Variants in SH3GL3 observed in about 807,000 individuals in gnomAD.
SH3GL3 encodes the protein SH3 domain containing GRB2 like 3, endophilin A3, also known as endophilin-A3.
In SH3GL3, 33 loss-of-function variants were observed where a neutral mutation model predicts 47.7. The observed-to-expected ratio is 0.69, with a 90% CI of 0.52 to 0.92. The LOEUF is 0.92. Among genes scored for constraint, SH3GL3 ranks in the 40% least tolerant of loss-of-function variants. The pLI is 0.00. For synonymous variants in SH3GL3, 155 were observed against 148.8 expected (o/e 1.04, Z -0.30); for missense variants, 363 against 417.8 (o/e 0.87, Z 1.14).
At chr15:83,609,582 T>TGG (rs1222733649) in intron 8 of SH3GL3, 3 of 259,334 alleles carry the variant, frequency 1.2e-5, no homozygotes, top group Non-Finnish European at 2.4e-5. Flanking sequence ...ACTATGGGGG[T>TGG]GGGGTCATAG....
chr15:83,571,098 G>T (rs1308223867), intron 4 of SH3GL3, among the ~76,000 whole-genome samples: 3 of 152,170 alleles, frequency 2.0e-5, no homozygotes, highest in South Asian at 2.1e-4. Context: ...GTTTTCTTTT[G>T]GGGGGCCACA....
At chr15:83,620,663 G>A (rs1446616887), downstream of SH3GL3, among the ~76,000 whole-genome samples, 1 of 152,188 alleles carries the variant, frequency 6.6e-6, no homozygotes, top group Non-Finnish European at 1.5e-5. Context: ...TCCATTTATA[G>A]AGCACAAGCA....
At chr15:83,597,393 G>T (rs2257011) in intron 8 of SH3GL3, among the ~76,000 whole-genome samples, 93,916 of 151,942 alleles carry the variant, frequency 0.62, 30,987 homozygotes, top group African/African-American at 0.85. Flanking sequence ...TAATCACATC[G>T]TCACATTCCC....
At chr15:83,496,381 A>T (rs1170372670) in intron 1 of SH3GL3, among the ~76,000 whole-genome samples, 1 of 151,966 alleles carries the variant, frequency 6.6e-6, no homozygotes, top group Non-Finnish European at 1.5e-5. Context: ...AGAAAAAAAA[A>T]AGAAAAATAG....
chr15:83,585,804 T>G (rs2059939396), intron 6 of SH3GL3, among the ~76,000 whole-genome samples: 1 of 152,174 alleles, frequency 6.6e-6, no homozygotes, highest in Non-Finnish European at 1.5e-5. Context: ...TTGGCACACA[T>G]GGAATTCAAT....
intron 1 of SH3GL3, among the ~76,000 whole-genome samples, chr15:83,554,481 C>G (rs1425470382): frequency 6.6e-6 from 1 of 152,174 alleles, no homozygotes; most frequent in African/African-American, 2.4e-5. Context: ...CCACTGCACC[C>G]AGCCTTGCTC....
rs374980866 is a variant in SH3GL3 at position 83,610,858 on chromosome 15, G to A, written c.839-7224G>A. On this transcript the variant is annotated intron_variant, in intron 8 of 8. Coordinates refer to ENST00000427482, the MANE Select transcript of SH3GL3 (RefSeq NM_003027.5). ...ACTAACACCTGAGAGTTATTATTTC[G>A]TCCCTGTAGCTGAGTAGGGCTGAGG... Among the ~76,000 whole-genome samples the A allele has an allele frequency of 9.5e-4, 144 of 152,074 alleles. 1 individual carries two copies. The highest frequency in any genetic ancestry group is 1.4e-3 in the African/African-American group (60 of 41,494).
chr15:83,531,267 C>T (rs76416405), intron 1 of SH3GL3, among the ~76,000 whole-genome samples: 2 of 152,182 alleles, frequency 1.3e-5, no homozygotes, highest in Admixed American at 6.5e-5. Flanking sequence ...GGAAGCACAT[C>T]AATAAATTTC....
chr15:83,521,213 A>G (rs779633350), intron 1 of SH3GL3, among the ~76,000 whole-genome samples: 26 of 152,224 alleles, frequency 1.7e-4, no homozygotes, highest in Non-Finnish European at 2.9e-4. Context: ...AACAAAAGAA[A>G]ACAAACCGTA....
the SH3GL3 span, among the ~76,000 whole-genome samples, chr15:83,626,298 A>G: frequency 6.6e-6 from 1 of 152,224 alleles, no homozygotes; most frequent in Non-Finnish European, 1.5e-5. Context: ...TCAGTGGTTT[A>G]GAAAGAGCAT....
intron 6 of SH3GL3, among the ~76,000 whole-genome samples, chr15:83,578,479 A>G (rs1174088610): frequency 1.3e-5 from 2 of 152,214 alleles, no homozygotes; most frequent in African/African-American, 4.8e-5. Flanking sequence ...AGTCAAGTCA[A>G]AATGCATTGA....
chr15:83,569,618 T>C (rs1316933859), intron 4 of SH3GL3, among the ~76,000 whole-genome samples: 1 of 152,218 alleles, frequency 6.6e-6, no homozygotes, highest in East Asian at 1.9e-4. Flanking sequence ...CATTTGACAC[T>C]GTTGCCAGGA....
At chr15:83,628,490 C>T in the SH3GL3 span, among the ~76,000 whole-genome samples, 6 of 152,148 alleles carry the variant, frequency 3.9e-5, no homozygotes, top group Non-Finnish European at 7.3e-5. Context: ...CACCTGTAAT[C>T]CCAGCATTTT....
intron 1 of SH3GL3, among the ~76,000 whole-genome samples, chr15:83,534,113 T>C (rs1222333730): frequency 6.6e-6 from 1 of 152,020 alleles, no homozygotes; most frequent in African/African-American, 2.4e-5. Flanking sequence ...CTTTAGGAGG[T>C]GATTAGGCCA....
chr15:83,603,157 G>A (rs914563584), intron 8 of SH3GL3, among the ~76,000 whole-genome samples: 9 of 151,930 alleles, frequency 5.9e-5, no homozygotes, highest in African/African-American at 1.7e-4. Flanking sequence ...GCACCACCAC[G>A]CCTGGCCAAT....
chr15:83,495,537 C>T (rs1046909613), intron 1 of SH3GL3, among the ~76,000 whole-genome samples: 24 of 152,050 alleles, frequency 1.6e-4, no homozygotes, highest in Admixed American at 2.0e-4. Flanking sequence ...GAGTTCAAGA[C>T]CAGGCTGGCC....
At position 83,447,700 on chromosome 15, in the gene SH3GL3, G is replaced by T. The variant is rs2039505285; in HGVS notation, c.45+122G>T. On this transcript the variant is annotated intron_variant, in intron 1 of 8. Coordinates refer to ENST00000427482, the MANE Select transcript of SH3GL3 (RefSeq NM_003027.5). The surrounding 1 kb of genome is among the most constrained non-coding windows in gnomAD (Gnocchi z 5.1). ...CTCTCTCGGGGCTCAATTTCTTCCCGCCTAGGAGGGCGCGAGGGTGGGGTG... is the reference window on the plus strand; with the variant it reads ...CTCTCTCGGGGCTCAATTTCTTCCCTCCTAGGAGGGCGCGAGGGTGGGGTG... 3.1e-6 allele frequency: 2 copies of T among 642,480 alleles called. No homozygotes were observed. Among genetic ancestry groups the T allele is most frequent in the Non-Finnish European group, 4.8e-6 (2 of 412,778 alleles). 39.8% of individuals were successfully genotyped at this position (642,480 alleles called of 1,614,324 possible).
intron 1 of SH3GL3, chr15:83,488,021 A>C (rs147173821): frequency 0.04 from 6,128 of 151,856 alleles, 166 homozygotes; most frequent in Non-Finnish European, 0.059. Flanking sequence ...GATTACAGGC[A>C]CATGCCACCA....
intron 2 of SH3GL3, among the ~76,000 whole-genome samples, chr15:83,560,540 T>A (rs190362637): frequency 8.7e-4 from 133 of 152,344 alleles, no homozygotes; most frequent in Middle Eastern, 3.4e-3. Context: ...AGTTGAAATG[T>A]TAAATTTAAA....
Sources: gnomAD v4.1 joint callset for allele counts (sites outside exome capture counted in the v4.1 genomes callset) on GRCh38, gnomAD v4.1.1 for gene constraint, Gnocchi (gnomAD v3.1) non-coding constraint, MANE v1.5 for transcripts, NCBI Gene and HGNC (gene_info 2026-07-23, HGNC 2026-07-21) for gene names.